FHIT: variants seen among roughly 807,000 people sequenced by gnomAD.
The protein encoded by FHIT is bis(5'-adenosyl)-triphosphatase.
In FHIT, 19 loss-of-function variants were observed where a neutral mutation model predicts 17.9. That is an observed-to-expected ratio of 1.06 (90% CI 0.74 to 1.56). The LOEUF (loss-of-function observed/expected upper bound fraction) is 1.56. Among genes scored for constraint, FHIT ranks in the 40% most tolerant of loss-of-function variants. The pLI is 0.00. For missense variants in FHIT, 248 were observed against 189.2 expected, an observed-to-expected ratio of 1.31 and a Z score of -1.82; for synonymous variants, 81 against 69.7, an observed-to-expected ratio of 1.16 and a Z score of -0.81.
At chr3:60,646,918 G>A (rs114481852) in intron 4 of FHIT, among the ~76,000 whole-genome samples, 63 of 152,254 alleles carry the variant, frequency 4.1e-4, no homozygotes, top group African/African-American at 1.3e-3. Flanking sequence ...CATATAGAGC[G>A]AAACTGCAAT....
chr3:60,526,446 C>T (rs1375016605), intron 5 of FHIT, among the ~76,000 whole-genome samples: 4 of 152,092 alleles, frequency 2.6e-5, no homozygotes, highest in African/African-American at 9.7e-5. Flanking sequence ...GCCTCCTACT[C>T]GGACATTCAT....
chr3:60,706,950 T>C (rs561748667), intron 4 of FHIT, among the ~76,000 whole-genome samples: 16 of 152,342 alleles, frequency 1.1e-4, no homozygotes, highest in African/African-American at 3.6e-4. Context: ...CTGCTGAAAT[T>C]AGACATCCAG....
chr3:60,083,516 GAA>G (rs10575171), intron 5 of FHIT, among the ~76,000 whole-genome samples: 99,475 of 151,780 alleles, frequency 0.66, 33,709 homozygotes, highest in African/African-American at 0.81. Flanking sequence ...GAATACCACT[GAA>G]AACCTGTATA....
At chr3:60,808,277 AAGG>A (rs1429218871) in intron 4 of FHIT, among the ~76,000 whole-genome samples, 1 of 152,146 alleles carries the variant, frequency 6.6e-6, no homozygotes, top group African/African-American at 2.4e-5. Flanking sequence ...TTTTTTTTAA[AAGG>A]AGGAAAAGTG....
intron 8 of FHIT, among the ~76,000 whole-genome samples, chr3:59,768,504 G>T (rs1701913445): frequency 6.6e-6 from 1 of 152,168 alleles, no homozygotes; most frequent in Admixed American, 6.5e-5. Flanking sequence ...CTCCAAGATG[G>T]TTCCATTTCA....
chr3:61,090,030 C>G (rs2035431503), intron 2 of FHIT, among the ~76,000 whole-genome samples: 1 of 152,120 alleles, frequency 6.6e-6, no homozygotes, highest in South Asian at 2.1e-4. Context: ...TTCATTCACT[C>G]GTGGTGAAAT....
intron 5 of FHIT, among the ~76,000 whole-genome samples, chr3:60,529,586 G>C (rs1192141707): frequency 6.6e-6 from 1 of 152,128 alleles, no homozygotes; most frequent in African/African-American, 2.4e-5. Context: ...CAAGTGCGAT[G>C]CCTGCAACAC....
intron 8 of FHIT, among the ~76,000 whole-genome samples, chr3:59,821,510 C>T (rs999354705): frequency 6.6e-6 from 1 of 152,180 alleles, no homozygotes; most frequent in African/African-American, 2.4e-5. Context: ...CAATATGATT[C>T]TCTCACAGAG....
intron 5 of FHIT, among the ~76,000 whole-genome samples, chr3:60,454,454 G>A (rs1252995025): frequency 6.6e-5 from 10 of 150,528 alleles, no homozygotes; most frequent in African/African-American, 1.2e-4. Flanking sequence ...GCATGATCTC[G>A]GCTCACTGCA....
At chr3:61,242,430 C>T (rs754146763) in intron 1 of FHIT, among the ~76,000 whole-genome samples, 4 of 152,176 alleles carry the variant, frequency 2.6e-5, no homozygotes, top group Non-Finnish European at 5.9e-5. Context: ...CATAAACAAA[C>T]CTTACTAAAC....
At chr3:61,222,536 G>A (rs902932638) in intron 1 of FHIT, among the ~76,000 whole-genome samples, 3 of 152,160 alleles carry the variant, frequency 2.0e-5, no homozygotes, top group Non-Finnish European at 2.9e-5. Context: ...GCGTTATTCT[G>A]AGTGATATTC....
At chr3:61,037,590 G>T (rs1317426687) in intron 3 of FHIT, among the ~76,000 whole-genome samples, 3 of 152,206 alleles carry the variant, frequency 2.0e-5, no homozygotes, top group African/African-American at 7.2e-5. Flanking sequence ...TGCAACAGAG[G>T]TGGGTCCTTC....
At chr3:60,333,714 A>C (rs943539491) in intron 5 of FHIT, among the ~76,000 whole-genome samples, 2 of 152,198 alleles carry the variant, frequency 1.3e-5, no homozygotes, top group Non-Finnish European at 2.9e-5. Context: ...TTATTTTAAT[A>C]AACATAGAAA....
At chr3:60,871,979 A>G (rs1437118590) in intron 3 of FHIT, among the ~76,000 whole-genome samples, 2 of 152,036 alleles carry the variant, frequency 1.3e-5, no homozygotes, top group Non-Finnish European at 2.9e-5. Flanking sequence ...ATATTTTTAA[A>G]AGGAATATAC....
At chr3:59,825,576 T>A (rs1040289822) in intron 8 of FHIT, among the ~76,000 whole-genome samples, 2 of 152,238 alleles carry the variant, frequency 1.3e-5, no homozygotes. Flanking sequence ...CCACACCTGA[T>A]GTACTGAATA....
intron 4 of FHIT, among the ~76,000 whole-genome samples, chr3:60,790,882 A>G (rs1439345334): frequency 6.6e-6 from 1 of 152,212 alleles, no homozygotes; most frequent in Non-Finnish European, 1.5e-5. Context: ...GTTAACCATA[A>G]TGAATACTGT....
At chr3:61,213,682 T>A (rs951718521) in intron 1 of FHIT, among the ~76,000 whole-genome samples, 10 of 152,014 alleles carry the variant, frequency 6.6e-5, no homozygotes, top group Non-Finnish European at 1.0e-4. Flanking sequence ...GAACTCTGCA[T>A]CCCAAAACAA....
rs1705609559 is a variant in FHIT, at chr3:60,893,285, TAGTATAAA to T, written c.-110-71282_-110-71275del. 3.3e-5 allele frequency among the ~76,000 whole-genome samples: 5 copies of T among 152,336 alleles called. No individual in the cohort carries two copies. The South Asian group carries it at 1.0e-3, about 32-fold the overall frequency. ...ACAAGTTTCCACTCTTCATCAAACCTAGTATAAAAGCACTCAGGTTTAACTGATTCATC... is the reference window on the plus strand; with the variant it reads ...ACAAGTTTCCACTCTTCATCAAACCTAGCACTCAGGTTTAACTGATTCATC... On this transcript the variant is annotated intron_variant, in intron 3 of 9. Transcript: ENST00000492590.
chr3:60,605,119 G>C (rs797026655), intron 4 of FHIT, among the ~76,000 whole-genome samples: 1 of 152,158 alleles, frequency 6.6e-6, no homozygotes, highest in African/African-American at 2.4e-5. Flanking sequence ...CACAGAGAGA[G>C]AGAGAGAGAG....
Sources: allele counts gnomAD v4.1 joint callset (sites outside exome capture counted in the v4.1 genomes callset), GRCh38; gene constraint gnomAD v4.1.1; transcripts MANE v1.5; gene names NCBI Gene and HGNC (gene_info 2026-07-23, HGNC 2026-07-21).